PTPN4: variants seen among roughly 807,000 people sequenced by gnomAD.
The protein encoded by PTPN4 is tyrosine-protein phosphatase non-receptor type 4.
A neutral mutation model predicts 135.5 loss-of-function variants in PTPN4; 49 were observed. That is an observed-to-expected ratio of 0.36 (90% CI 0.29 to 0.46). The LOEUF (loss-of-function observed/expected upper bound fraction) is 0.46. PTPN4 is among the 20% of genes least tolerant of loss of function. PTPN4 has a pLI of 1.00. For missense variants in PTPN4, 860 were observed against 1,101.0 expected (o/e 0.78, Z 3.10); for synonymous variants, 333 against 369.9 (o/e 0.90, Z 1.14).
intron 2 of PTPN4, among the ~76,000 whole-genome samples, chr2:119,810,316 A>C (rs991072271): frequency 1.3e-5 from 2 of 152,210 alleles, no homozygotes; most frequent in Non-Finnish European, 2.9e-5. Context: ...ATACATATTC[A>C]TGGTAATTTT....
In PTPN4 at chr2:119,858,680, G is replaced by T. The variant is rs2175329; in HGVS notation, c.139-3856G>T. ...TCTTTTTTTTTTGAGATGGAGTCTC[G>T]CTCTGTTGCCCAGGCTGGAGTGCAG... On this transcript the variant is annotated intron_variant, in intron 2 of 26. Coordinates refer to ENST00000263708, the MANE Select transcript of PTPN4 (RefSeq NM_002830.4). Among the ~76,000 whole-genome samples, 849 of 150,982 alleles carry T rather than the reference G, an allele frequency of 5.6e-3. 6 individuals carry two copies. Among genetic ancestry groups the T allele is most frequent in the African/African-American group, 0.02 (807 of 41,140 alleles).
intron 18 of PTPN4, among the ~76,000 whole-genome samples, chr2:119,950,465 T>C (rs1679196741): frequency 6.6e-6 from 1 of 152,244 alleles, no homozygotes; most frequent in South Asian, 2.1e-4. Flanking sequence ...ACTTTTCATT[T>C]TCAGATGTCT....
At chr2:119,944,659 T>C (rs1679107527) in intron 15 of PTPN4, among the ~76,000 whole-genome samples, 1 of 152,216 alleles carries the variant, frequency 6.6e-6, no homozygotes, top group Non-Finnish European at 1.5e-5. Context: ...ATTTTATTTC[T>C]AAATAGATTA....
chr2:119,818,319 T>C (rs1027992196), intron 2 of PTPN4, among the ~76,000 whole-genome samples: 2 of 152,250 alleles, frequency 1.3e-5, no homozygotes, highest in Admixed American at 6.5e-5. Flanking sequence ...GCTTTACACA[T>C]CTGCTAATTT....
chr2:119,938,741 G>T (rs1174576309), intron 15 of PTPN4, among the ~76,000 whole-genome samples: 3 of 151,888 alleles, frequency 2.0e-5, no homozygotes, highest in Non-Finnish European at 2.9e-5. Context: ...TGGGAGTTCT[G>T]TTGAGGCCTC....
chr2:119,959,838 G>A (rs1039008596), intron 22 of PTPN4, among the ~76,000 whole-genome samples: 5 of 151,972 alleles, frequency 3.3e-5, no homozygotes, highest in African/African-American at 1.2e-4. Context: ...CACAGGTTGG[G>A]GCAAGTTTAC....
In PTPN4 at chr2:119,965,542, C is replaced by G. The variant is rs1382137499; in HGVS notation, c.2455C>G (p.Pro819Ala). 9 of 1,613,518 alleles carry G rather than the reference C, an allele frequency of 5.6e-6. No individual in the cohort carries two copies. Among genetic ancestry groups the G allele is most frequent in the Non-Finnish European group, 7.6e-6 (9 of 1,179,446 alleles). Residue 819 changes from proline (P) to alanine (A), a missense_variant, in exon 25 of 27, where the codon CCT becomes GCT. By Grantham distance (27) the Pro-to-Ala change is conservative. Coordinates refer to ENST00000263708, the MANE Select transcript of PTPN4 (RefSeq NM_002830.4). ...CACTCAGATCCAGTACATAGCCTGG[C>G]CTGACCATGGAGTCCCTGATGATTC... ...PLTQIQYIAWPDHGVPDDSSD... is the reference protein window; with the variant it reads ...PLTQIQYIAWADHGVPDDSSD...
intron 23 of PTPN4, among the ~76,000 whole-genome samples, chr2:119,961,276 G>A (rs1402650628): frequency 3.3e-5 from 5 of 152,176 alleles, no homozygotes; most frequent in Non-Finnish European, 5.9e-5. Flanking sequence ...GATCTGAATA[G>A]ACAGTTCTCC....
At chr2:119,861,658 G>A (rs181026032) in intron 2 of PTPN4, among the ~76,000 whole-genome samples, 1 of 151,966 alleles carries the variant, frequency 6.6e-6, no homozygotes, top group African/African-American at 2.4e-5. Context: ...TTATTTTGGG[G>A]GTTGTTTGCC....
chr2:119,824,538 T>A (rs1677118165), intron 2 of PTPN4, among the ~76,000 whole-genome samples: 1 of 152,286 alleles, frequency 6.6e-6, no homozygotes, highest in South Asian at 2.1e-4. Flanking sequence ...AGCATTGAAG[T>A]CTTCAAGTAT....
chr2:119,864,584 C>G (rs1307269795), intron 3 of PTPN4, among the ~76,000 whole-genome samples: 2 of 152,004 alleles, frequency 1.3e-5, no homozygotes, highest in Non-Finnish European at 1.5e-5. Context: ...CAGTGACTCA[C>G]CACTGTAGTC....
chr2:119,796,860 T>G (rs901440518), intron 1 of PTPN4, among the ~76,000 whole-genome samples: 4 of 147,646 alleles, frequency 2.7e-5, no homozygotes, highest in African/African-American at 9.9e-5. Flanking sequence ...GTCACTGTTT[T>G]TGTGTGTGTG....
At chr2:119,775,096 GAAAAAAAAAAAAAAAA>G (rs35234122) in intron 1 of PTPN4, among the ~76,000 whole-genome samples, 47 of 66,746 alleles carry the variant, frequency 7.0e-4, no homozygotes, top group African/African-American at 2.4e-3. Flanking sequence ...GCCCTATTCT[GAAAAAAAAAAAAAAAA>G]AAAAAAAAAA....
chr2:119,937,350 C>T (rs565787332), intron 15 of PTPN4, among the ~76,000 whole-genome samples: 1 of 152,014 alleles, frequency 6.6e-6, no homozygotes, highest in African/African-American at 2.4e-5. Flanking sequence ...TCACATATAC[C>T]TTTTTTTAAT....
At chr2:119,873,197 T>TTG (rs1677939008) in intron 3 of PTPN4, among the ~76,000 whole-genome samples, 1 of 151,886 alleles carries the variant, frequency 6.6e-6, no homozygotes, top group African/African-American at 2.4e-5. Context: ...TGTTGTTGTT[T>TTG]TTTTTGTAGA....
rs1679713035 is a variant in PTPN4, at chr2:119,982,729, G to A, written c.*5659G>A. The A allele has an allele frequency of 6.6e-6, 1 of 152,092 alleles. No individual in the cohort carries two copies. Among genetic ancestry groups the A allele is most frequent in the African/African-American group, 2.4e-5 (1 of 41,376 alleles). The allele number at this position is 152,092 out of a possible 1,614,324, so 9.4% of individuals were successfully genotyped here. A position where few individuals can be genotyped will look rare whatever the true frequency, so the allele number is the denominator to read the frequency against. On this transcript the variant is annotated 3_prime_UTR_variant, in exon 27 of 27. Transcript: ENST00000263708. ...TGTCAAATGAGGACATTGTTGTGAG[G>A]GTGTGACTTTTGTGAAGCCAGAAAA...
At position 119,960,939 on chromosome 2, in the gene PTPN4, G is replaced by A. The variant is rs1679356276; in HGVS notation, c.2266G>A (p.Val756Ile). The change falls in exon 23 of 27, where the codon GTT (valine) becomes ATT (isoleucine). Residue 756 changes from valine to isoleucine, a missense_variant. Val to Ile is a conservative substitution (Grantham distance 29). Coordinates refer to ENST00000263708, the MANE Select transcript of PTPN4 (RefSeq NM_002830.4). The part of the protein sequence containing the change: ...SSMVVMLTTQ[V>I]ERGRVKCHQY... ...TATGGTTGTAATGTTGACCACACAA[G>A]TTGAACGTGGCAGAGTAAGTCATAG... 1 of 1,612,266 alleles carries A rather than the reference G, an allele frequency of 6.2e-7. No individual in the cohort carries two copies. Among genetic ancestry groups the A allele is most frequent in the Non-Finnish European group, 8.5e-7 (1 of 1,179,584 alleles).
At chr2:119,915,468 G>A (rs1678640340) in intron 11 of PTPN4, 2 of 289,862 alleles carry the variant, frequency 6.9e-6, no homozygotes, top group African/African-American at 4.4e-5. Context: ...GCTGTTTCTC[G>A]AGCTTAGAAA....
Position 119,920,131 on chromosome 2 carries a change from G to A in PTPN4, c.891G>A (p.Leu297=), listed in dbSNP as rs200141251. The part of the protein sequence containing the change: ...NMVNYRACKN[L]WKACVEHHTF... ...TGAATTACAGAGCATGTAAAAATTT[G>A]TGGAAAGCATGTGTAGAACATCACA... The change falls in exon 12 of 27, where the codon TTG becomes TTA. Residue 297 remains leucine (L), a synonymous_variant. Transcript: ENST00000263708. The A allele has an allele frequency of 3.1e-6, 5 of 1,613,082 alleles. No homozygotes were observed. Among genetic ancestry groups the A allele is most frequent in the South Asian group, 1.1e-5 (1 of 90,782 alleles).
Sources: gnomAD v4.1 joint callset for allele counts (sites outside exome capture counted in the v4.1 genomes callset) on GRCh38, gnomAD v4.1.1 for gene constraint, MANE v1.5 for transcripts, NCBI Gene and HGNC (gene_info 2026-07-23, HGNC 2026-07-21) for gene names.